Variants in MYLK observed in about 807,000 individuals in gnomAD.
MYLK encodes myosin light chain kinase.
MYLK carries 106 observed loss-of-function variants against 203.4 expected under a neutral mutation model. The observed-to-expected ratio is 0.52, with a 90% CI of 0.45 to 0.61. MYLK has a LOEUF of 0.61. MYLK is among the 20% of genes least tolerant of loss of function. The probability of loss-of-function intolerance (pLI) is 0.00; values close to 1 mark genes in which losing one functional copy is unlikely to be tolerated. For synonymous variants in MYLK, 867 were observed against 959.5 expected, an observed-to-expected ratio of 0.90 and a Z score of 1.78; for missense variants, 2,072 against 2,442.3, an observed-to-expected ratio of 0.85 and a Z score of 3.20.
At chr3:123,666,121 G>A in intron 22 of MYLK, 98 bp downstream of exon 22, 1 of 1,587,186 alleles carries the variant, frequency 6.3e-7, no homozygotes, top group South Asian at 1.1e-5. Context: ...TACGAAGAGT[G>A]AGGCCATCTC....
chr3:123,796,549 A>G (rs2064994148), intron 3 of MYLK, among the ~76,000 whole-genome samples: 3 of 152,252 alleles, frequency 2.0e-5, no homozygotes, highest in Admixed American at 2.0e-4. Context: ...AACCTGGAAT[A>G]AAATGTTTGC....
chr3:123,822,405 G>A (rs1298277851), intron 3 of MYLK, among the ~76,000 whole-genome samples: 2 of 152,158 alleles, frequency 1.3e-5, no homozygotes, highest in African/African-American at 4.8e-5. Context: ...CCAGACACAG[G>A]TACCATCTGG....
At chr3:123,773,399 T>C (rs1314583022) in intron 4 of MYLK, among the ~76,000 whole-genome samples, 1 of 152,230 alleles carries the variant, frequency 6.6e-6, no homozygotes, top group African/African-American at 2.4e-5. Context: ...CGTTTTACTT[T>C]CATGAACAGT....
At chr3:123,872,252 A>C (rs2032843908) in intron 2 of MYLK, among the ~76,000 whole-genome samples, 1 of 152,162 alleles carries the variant, frequency 6.6e-6, no homozygotes, top group Non-Finnish European at 1.5e-5. Flanking sequence ...TGGCCCACAA[A>C]GCCTAAAATA....
At chr3:123,804,599 C>T (rs941942158) in intron 3 of MYLK, among the ~76,000 whole-genome samples, 1 of 152,150 alleles carries the variant, frequency 6.6e-6, no homozygotes, top group Non-Finnish European at 1.5e-5. Context: ...ATACACACTG[C>T]CTCTCTGCTT....
At chr3:123,641,777 T>TCCCTCCCTCCCTTCCTC (rs2108124908) in intron 27 of MYLK, among the ~76,000 whole-genome samples, 1 of 137,524 alleles carries the variant, frequency 7.3e-6, no homozygotes, top group African/African-American at 2.8e-5. Context: ...CTCCCTCTCT[T>TCCCTCCCTCCCTTCCTC]CCCTCCCTCC....
intron 2 of MYLK, among the ~76,000 whole-genome samples, chr3:123,849,451 C>G (rs1035248016): frequency 3.9e-5 from 6 of 152,128 alleles, no homozygotes; most frequent in African/African-American, 7.2e-5. Flanking sequence ...TGGTTTAAGT[C>G]TCTAAATTTT....
intron 11 of MYLK, among the ~76,000 whole-genome samples, chr3:123,726,357 G>A (rs1304349667): frequency 6.6e-6 from 1 of 152,160 alleles, no homozygotes; most frequent in Non-Finnish European, 1.5e-5. Flanking sequence ...TCTCTCCTCT[G>A]TGACTCAGGT....
intron 8 of MYLK, among the ~76,000 whole-genome samples, chr3:123,736,771 T>C (rs774360223): frequency 6.6e-5 from 10 of 152,106 alleles, no homozygotes; most frequent in Non-Finnish European, 1.2e-4. Flanking sequence ...CATTCATTCT[T>C]CCAGTTGGCA....
Position 123,700,072 on chromosome 3 carries a change from C to G in MYLK, c.3396G>C (p.Thr1132=), listed in dbSNP as rs201930278. The stretch of plus-strand genomic sequence containing the variant: ...TGGTCTTGAGGGTCTTTCCGTTCAG[C>G]GTCCAGATGATGGTGGCTGGGGGGT... ...SSDPPATIIW[T]LNGKTLKTTK... The change falls in exon 18 of 34, where the codon ACG becomes ACC. Residue 1132 remains threonine, a synonymous_variant. Coordinates refer to ENST00000360304, the MANE Select transcript of MYLK (RefSeq NM_053025.4). The G allele has an allele frequency of 6.2e-7, 1 of 1,613,856 alleles. No homozygotes were observed. Among genetic ancestry groups the G allele is most frequent in the African/African-American group, 1.3e-5 (1 of 74,840 alleles).
At position 123,629,435 on chromosome 3, in the gene MYLK, G is replaced by A; in HGVS notation, c.5114+39C>T. 1.2e-6 allele frequency: 2 copies of A among 1,611,976 alleles called. No individual in the cohort carries two copies. Among genetic ancestry groups the A allele is most frequent in the Non-Finnish European group, 1.7e-6 (2 of 1,178,342 alleles). On this transcript the variant is annotated intron_variant, in intron 30 of 33. Transcript: ENST00000360304. This position sits in a 1 kb window ranked among gnomAD's most constrained non-coding sequence, Gnocchi z 4.4. ...CCCCTTTGCTTCCCAACACAGGGCA[G>A]GGAGTAGGGAAGCAAAGACTGAAAT...
intron 6 of MYLK, among the ~76,000 whole-genome samples, 190 bp downstream of exon 6, chr3:123,739,759 CCAGT>C (rs2062801272): frequency 1.3e-5 from 2 of 152,180 alleles, no homozygotes; most frequent in South Asian, 2.1e-4. Flanking sequence ...AGCAGCTGGG[CCAGT>C]CAAAGGAGCC....
At chr3:123,726,135 C>A in intron 11 of MYLK, 57 bp from the exon 12 acceptor site, 1 of 1,608,924 alleles carries the variant, frequency 6.2e-7, no homozygotes. Flanking sequence ...CTGGTGATGC[C>A]TGCAGTCACC....
chr3:123,628,409 G>A (rs1291385875), intron 30 of MYLK, among the ~76,000 whole-genome samples: 1 of 152,174 alleles, frequency 6.6e-6, no homozygotes, highest in Non-Finnish European at 1.5e-5. Context: ...CCGCCCTGGA[G>A]CCAGGCCCCT....
intron 13 of MYLK, 88 bp downstream of exon 13, chr3:123,722,040 G>A (rs2062107550): frequency 2.0e-6 from 3 of 1,516,740 alleles, no homozygotes; most frequent in African/African-American, 2.8e-5. Flanking sequence ...TTGAGCTCAT[G>A]ATACCATTTT....
chr3:123,839,030 G>A (rs896083099), intron 2 of MYLK, among the ~76,000 whole-genome samples: 1 of 152,174 alleles, frequency 6.6e-6, no homozygotes, highest in African/African-American at 2.4e-5. Flanking sequence ...GGGAGGTGGA[G>A]GTGGCAGTGA....
intron 2 of MYLK, among the ~76,000 whole-genome samples, chr3:123,855,784 A>G (rs1336431215): frequency 2.6e-5 from 4 of 152,168 alleles, no homozygotes; most frequent in Admixed American, 2.6e-4. Flanking sequence ...ACTCCAAAAG[A>G]CAAGCATGGT....
intron 13 of MYLK, among the ~76,000 whole-genome samples, chr3:123,715,116 GA>G (rs1343904375): frequency 2.0e-5 from 3 of 152,190 alleles, no homozygotes; most frequent in Non-Finnish European, 2.9e-5. Flanking sequence ...CTGACCCATG[GA>G]GTTTTTCCGT....
rs575917599 is a variant in MYLK, at chr3:123,810,957, C to T, written c.-3-17113G>A. Among the ~76,000 whole-genome samples, 11 of 152,336 alleles carry T rather than the reference C, an allele frequency of 7.2e-5. No individual in the cohort carries two copies. In the South Asian group the frequency reaches 2.1e-3, roughly 29 times the overall value. On this transcript the variant is annotated intron_variant, in intron 3 of 33. Transcript: ENST00000360304. ...TAGCAATCATGGCTACCTTTTTCTCCTCACACTTCACCAAAGATACTAATG... is the reference window on the plus strand; with the variant it reads ...TAGCAATCATGGCTACCTTTTTCTCTTCACACTTCACCAAAGATACTAATG...
Sources: gnomAD v4.1 joint callset for allele counts (sites outside exome capture counted in the v4.1 genomes callset) on GRCh38, gnomAD v4.1.1 for gene constraint, Gnocchi (gnomAD v3.1) non-coding constraint, MANE v1.5 for transcripts, NCBI Gene and HGNC (gene_info 2026-07-23, HGNC 2026-07-21) for gene names.